Variants in CRACDL observed in about 807,000 individuals in gnomAD.
The protein encoded by CRACDL is CRACD like, also known as CRACD-like protein.
In CRACDL, 26 loss-of-function variants were observed where a neutral mutation model predicts 70.6. The observed-to-expected ratio is 0.37, with a 90% CI of 0.27 to 0.51. CRACDL has a LOEUF of 0.51. Among genes scored for constraint, CRACDL ranks in the 20% least tolerant of loss-of-function variants. CRACDL has a pLI of 0.94. For synonymous variants in CRACDL, 618 were observed against 615.2 expected, an observed-to-expected ratio of 1.00 and a Z score of -0.07; for missense variants, 1,283 against 1,376.9, an observed-to-expected ratio of 0.93 and a Z score of 1.08.
Position 98,822,080 on chromosome 2 carries a change from C to T in CRACDL, c.2193G>A (p.Gly731=). The change falls in exon 7 of 10, where the codon GGG becomes GGA. Residue 731 remains glycine (G), a synonymous_variant. Coordinates refer to ENST00000397899, the MANE Select transcript of CRACDL (RefSeq NM_207362.3). The surrounding 1 kb of genome is among the most constrained non-coding windows in gnomAD (Gnocchi z 4.9). ...VLPKEEKCPL[G]TAPALRGTRA... ...TGGTGCCTCGAAGGGCGGGGGCCGT[C>T]CCGAGGGGACACTTCTCCTCCTTCG... The T allele has an allele frequency of 1.3e-6, 2 of 1,555,834 alleles. No homozygotes were observed. The highest frequency in any genetic ancestry group is 1.7e-6 in the Non-Finnish European group (2 of 1,149,714).
intron 7 of CRACDL, 101 bp from the exon 8 acceptor site, chr2:98,797,638 G>A: frequency 9.1e-7 from 1 of 1,103,386 alleles, no homozygotes; most frequent in Non-Finnish European, 1.3e-6. Context: ...TTGGTTCAGG[G>A]TTGCAGGGTG....
intron 1 of CRACDL, among the ~76,000 whole-genome samples, chr2:98,854,387 C>T (rs1463334022): frequency 1.4e-5 from 2 of 147,052 alleles, no homozygotes; most frequent in Non-Finnish European, 3.0e-5. Flanking sequence ...TCTAAAAAAT[C>T]ATCAGAACCT....
chr2:98,885,631 C>T (rs943357241), intron 1 of CRACDL, among the ~76,000 whole-genome samples: 3 of 152,068 alleles, frequency 2.0e-5, no homozygotes, highest in Non-Finnish European at 2.9e-5. Flanking sequence ...CCTTCAGAGG[C>T]TCAGAATCTC....
chr2:98,821,468 G>A (rs1429341413), intron 7 of CRACDL, among the ~76,000 whole-genome samples: 2 of 152,198 alleles, frequency 1.3e-5, no homozygotes, highest in African/African-American at 4.8e-5. Flanking sequence ...ATGAGCTACC[G>A]AGGTCGGCCT....
intron 1 of CRACDL, among the ~76,000 whole-genome samples, chr2:98,932,883 G>A (rs924585868): frequency 6.6e-6 from 1 of 152,186 alleles, no homozygotes; most frequent in Non-Finnish European, 1.5e-5. Context: ...CTGCCCCACA[G>A]GTAGAAAAAT....
At chr2:98,862,788 T>C (rs1706988716) in intron 1 of CRACDL, among the ~76,000 whole-genome samples, 1 of 152,006 alleles carries the variant, frequency 6.6e-6, no homozygotes, top group Non-Finnish European at 1.5e-5. Flanking sequence ...AGGGGATCTG[T>C]GAGACACCAT....
chr2:98,866,472 C>CTTTTTT (rs869154325), intron 1 of CRACDL, among the ~76,000 whole-genome samples: 2 of 107,812 alleles, frequency 1.9e-5, no homozygotes, highest in African/African-American at 7.0e-5. Context: ...ACAATCACTT[C>CTTTTTT]TTCTTTTTTT....
At position 98,822,465 on chromosome 2, in the gene CRACDL, C is replaced by T. The variant is rs1705101326; in HGVS notation, c.1808G>A (p.Ser603Asn). The T allele has an allele frequency of 1.4e-6, 2 of 1,476,986 alleles. No homozygotes were observed. Among genetic ancestry groups the T allele is most frequent in the Non-Finnish European group, 1.8e-6 (2 of 1,121,948 alleles). 91.5% of individuals were successfully genotyped at this position (1,476,986 alleles called of 1,614,324 possible). A position where few individuals can be genotyped will look rare whatever the true frequency, so the allele number is the denominator to read the frequency against. Reference protein sequence around the residue: ...RASGRLPLARSGPVWRSEAAL... With the variant: ...RASGRLPLARNGPVWRSEAAL... ...CGCCTCGCTCCTCCAGACCGGGCCG[C>T]TCCTCGCGAGGGGCAGGCGGCCGCT... The change falls in exon 7 of 10, where the codon AGC (serine) becomes AAC (asparagine). Residue 603 changes from serine to asparagine, a missense_variant. This residue lies in a region of CRACDL where 921 missense variants were observed against 881.9 expected (regional missense o/e 1.04). Transcript: ENST00000397899. This position sits in a 1 kb window ranked among gnomAD's most constrained non-coding sequence, Gnocchi z 4.9.
chr2:98,810,401 G>A (rs1053167692), intron 7 of CRACDL, among the ~76,000 whole-genome samples: 4 of 152,174 alleles, frequency 2.6e-5, no homozygotes, highest in African/African-American at 4.8e-5. Flanking sequence ...AAGGCAATGC[G>A]AATTTTTAAA....
intron 1 of CRACDL, among the ~76,000 whole-genome samples, chr2:98,851,570 T>C (rs1706482770): frequency 6.6e-6 from 1 of 152,188 alleles, no homozygotes; most frequent in Non-Finnish European, 1.5e-5. Context: ...CCTCACTTTC[T>C]TCCCATAGCA....
At chr2:98,835,298 G>A (rs1331518663) in intron 3 of CRACDL, among the ~76,000 whole-genome samples, 2 of 152,176 alleles carry the variant, frequency 1.3e-5, no homozygotes, top group Non-Finnish European at 2.9e-5. Flanking sequence ...AGTAATCATC[G>A]CCCCTGGCAG....
intron 1 of CRACDL, among the ~76,000 whole-genome samples, chr2:98,881,808 G>A (rs1707659705): frequency 6.6e-6 from 1 of 152,178 alleles, no homozygotes; most frequent in African/African-American, 2.4e-5. Flanking sequence ...TCATGGCGGG[G>A]AGAGGAGGGA....
chr2:98,917,985 T>G (rs1023491060), intron 1 of CRACDL, among the ~76,000 whole-genome samples: 1 of 152,232 alleles, frequency 6.6e-6, no homozygotes, highest in African/African-American at 2.4e-5. Context: ...TATTCCACTG[T>G]GTATATATAT....
chr2:98,886,562 G>A (rs996246611), intron 1 of CRACDL, among the ~76,000 whole-genome samples: 1 of 152,232 alleles, frequency 6.6e-6, no homozygotes, highest in Non-Finnish European at 1.5e-5. Flanking sequence ...CAACTGCCTG[G>A]TTGAGTGTTG....
intron 7 of CRACDL, among the ~76,000 whole-genome samples, chr2:98,802,312 G>A (rs1360649121): frequency 6.6e-6 from 1 of 152,250 alleles, no homozygotes; most frequent in Non-Finnish European, 1.5e-5. Flanking sequence ...CACACGCTGT[G>A]TGTTACAGCG....
intron 1 of CRACDL, among the ~76,000 whole-genome samples, chr2:98,911,675 C>T (rs1419015230): frequency 1.3e-5 from 2 of 152,124 alleles, no homozygotes; most frequent in Non-Finnish European, 2.9e-5. Flanking sequence ...GCCAGCCCAC[C>T]CTGATTTTGT....
chr2:98,886,524 T>C (rs911576207), intron 1 of CRACDL, among the ~76,000 whole-genome samples: 46 of 152,112 alleles, frequency 3.0e-4, no homozygotes, highest in African/African-American at 9.7e-4. Flanking sequence ...TCTGCACAAA[T>C]AGGAAGAGAG....
chr2:98,827,256 C>A, intron 5 of CRACDL, 87 bp from the exon 6 acceptor site: 1 of 911,876 alleles, frequency 1.1e-6, no homozygotes, highest in East Asian at 2.5e-5. Flanking sequence ...CTTTTCTGCC[C>A]AGGCTGTCTT....
intron 1 of CRACDL, among the ~76,000 whole-genome samples, chr2:98,867,677 G>C (rs1323505104): frequency 1.3e-5 from 2 of 152,168 alleles, no homozygotes; most frequent in Non-Finnish European, 2.9e-5. Context: ...TAACGCTGAG[G>C]AGTGTCTTGC....
Sources: allele counts gnomAD v4.1 joint callset (sites outside exome capture counted in the v4.1 genomes callset), GRCh38; gene constraint gnomAD v4.1.1; regional missense constraint gnomAD v4.1.1; non-coding constraint Gnocchi (gnomAD v3.1); transcripts MANE v1.5; gene names NCBI Gene and HGNC (gene_info 2026-07-23, HGNC 2026-07-21).